UNC13B: variants seen among roughly 807,000 people sequenced by gnomAD.
The protein encoded by UNC13B is unc-13 homolog B, also known as protein unc-13 homolog B.
Under a neutral mutation model 211.0 loss-of-function variants are expected in UNC13B, and 144 were observed. The ratio of observed to expected loss-of-function variants is 0.68; its 90% CI spans 0.60 to 0.78. UNC13B has a LOEUF of 0.78. Among genes scored for constraint, UNC13B ranks in the 30% least tolerant of loss-of-function variants. The probability of loss-of-function intolerance (pLI) is 0.00; values close to 1 mark genes in which losing one functional copy is unlikely to be tolerated. For synonymous variants in UNC13B, 709 were observed against 725.8 expected (o/e 0.98, Z 0.37); for missense variants, 1,777 against 2,002.0 (o/e 0.89, Z 2.14).
intron 11 of UNC13B, among the ~76,000 whole-genome samples, chr9:35,346,019 C>A (rs1484066349): frequency 6.6e-6 from 1 of 152,156 alleles, no homozygotes; most frequent in Non-Finnish European, 1.5e-5. Context: ...AATACTGGGA[C>A]CTTGCTAAGC....
At chr9:35,262,119 T>G (rs1827309170) in intron 7 of UNC13B, among the ~76,000 whole-genome samples, 1 of 152,178 alleles carries the variant, frequency 6.6e-6, no homozygotes, top group Non-Finnish European at 1.5e-5. Context: ...TATACTTTCA[T>G]AGCCTTCCCC....
At chr9:35,203,833 C>T (rs922582370) in intron 1 of UNC13B, among the ~76,000 whole-genome samples, 2 of 152,222 alleles carry the variant, frequency 1.3e-5, no homozygotes, top group African/African-American at 4.8e-5. Flanking sequence ...AGAAAAACCC[C>T]ATTTTCAGTG....
intron 1 of UNC13B, among the ~76,000 whole-genome samples, chr9:35,226,045 G>T (rs1287857322): frequency 6.6e-6 from 1 of 152,102 alleles, no homozygotes; most frequent in Non-Finnish European, 1.5e-5. Context: ...GGATAGGCTA[G>T]GTTTTGCTCT....
intron 28 of UNC13B, 29 bp from the exon 29 acceptor site, chr9:35,397,138 A>T (rs368038238): frequency 6.2e-7 from 1 of 1,611,680 alleles, no homozygotes; most frequent in African/African-American, 1.3e-5. Context: ...GCAGCTGTGG[A>T]TGGTGACCCT....
intron 7 of UNC13B, chr9:35,291,237 G>A: frequency 2.3e-6 from 2 of 873,590 alleles, no homozygotes; most frequent in Non-Finnish European, 3.5e-6. Flanking sequence ...AATATCGGGA[G>A]ACAATGACCT....
Position 35,295,825 on chromosome 9 carries a change from C to T in UNC13B, c.656C>T (p.Pro219Leu), listed in dbSNP as rs750722239. 2.2e-5 allele frequency: 36 copies of T among 1,614,002 alleles called. No individual in the cohort carries two copies. The highest frequency in any genetic ancestry group is 2.8e-5 in the Non-Finnish European group (33 of 1,180,036). The change falls in exon 8 of 40, where the codon CCG becomes CTG. Residue 219 changes from proline (P) to leucine (L), a missense_variant. Transcript: ENST00000635942. ...PNASVHQFPV[P>L]VRSPQQLLLQ... ...GCTTCTGTGCACCAGTTCCCTGTGCCGGTGCGATCGCCACAGCAGCTGCTA... is the reference window on the plus strand; with the variant it reads ...GCTTCTGTGCACCAGTTCCCTGTGCTGGTGCGATCGCCACAGCAGCTGCTA...
intron 11 of UNC13B, among the ~76,000 whole-genome samples, chr9:35,332,361 A>G (rs542263515): frequency 1.3e-5 from 2 of 152,068 alleles, no homozygotes. Flanking sequence ...TAATTTCCCA[A>G]TGTTTAAAAC....
Position 35,382,485 on chromosome 9 carries a change from G to C in UNC13B, c.10784G>C (p.Arg3595Pro), listed in dbSNP as rs745913691. Residue 3595 changes from arginine (R) to proline (P), a missense_variant, in exon 21 of 40, where the codon CGC (arginine) becomes CCC (proline). Arg to Pro is a moderately radical substitution (Grantham distance 103). Transcript: ENST00000635942. ...TCTACCAATGTCTCTGCATCTGATC[G>C]CTTTGCAGCCTCCAACTTTGGGGTA... ...TASTNVSASDRFAASNFGKER... is the reference protein window; with the variant it reads ...TASTNVSASDPFAASNFGKER... 17 of 1,613,166 alleles carry C rather than the reference G, an allele frequency of 1.1e-5. No individual in the cohort carries two copies. Among genetic ancestry groups the C allele is most frequent in the Non-Finnish European group, 1.4e-5 (17 of 1,179,860 alleles).
chr9:35,337,381 G>T (rs527944100), intron 11 of UNC13B, among the ~76,000 whole-genome samples: 35 of 152,134 alleles, frequency 2.3e-4, no homozygotes, highest in Non-Finnish European at 4.9e-4. Context: ...TCTCTCACTG[G>T]GTAAAGAATT....
At chr9:35,283,767 G>A (rs1828637117) in intron 7 of UNC13B, among the ~76,000 whole-genome samples, 1 of 152,212 alleles carries the variant, frequency 6.6e-6, no homozygotes, top group Admixed American at 6.5e-5. Flanking sequence ...TTGGCCACAT[G>A]AGAAGGTGAC....
chr9:35,314,509 T>C (rs145082706), intron 11 of UNC13B, among the ~76,000 whole-genome samples: 25 of 152,322 alleles, frequency 1.6e-4, no homozygotes, highest in Non-Finnish European at 2.6e-4. Context: ...TGTCTTTATC[T>C]GTGTGTTAGG....
intron 6 of UNC13B, among the ~76,000 whole-genome samples, chr9:35,251,378 G>A (rs1587469126): frequency 1.3e-5 from 2 of 152,264 alleles, no homozygotes; most frequent in Admixed American, 6.5e-5. Context: ...CTTGAGGTCA[G>A]GATTTCAAGA....
intron 21 of UNC13B, 132 bp from the exon 22 acceptor site, chr9:35,384,114 A>C (rs1835027663): frequency 7.2e-7 from 1 of 1,381,652 alleles, no homozygotes. Context: ...TCCCATGGGC[A>C]GGGATGTGTC....
chr9:35,291,373 A>G (rs1044093110), intron 7 of UNC13B, among the ~76,000 whole-genome samples: 1 of 152,204 alleles, frequency 6.6e-6, no homozygotes, highest in African/African-American at 2.4e-5. Flanking sequence ...TTTATTCCCC[A>G]GAGGCAAGTA....
At chr9:35,379,212 C>T (rs1834652915) in intron 17 of UNC13B, among the ~76,000 whole-genome samples, 1 of 152,142 alleles carries the variant, frequency 6.6e-6, no homozygotes, top group Non-Finnish European at 1.5e-5. Flanking sequence ...CTTTGGGAGG[C>T]TGAGGCAGGC....
At chr9:35,275,411 T>G (rs1317086350) in intron 7 of UNC13B, among the ~76,000 whole-genome samples, 1 of 152,080 alleles carries the variant, frequency 6.6e-6, no homozygotes, top group Non-Finnish European at 1.5e-5. Flanking sequence ...TTAAAGGGAG[T>G]ATAGTAAAAA....
chr9:35,310,346 C>T, intron 9 of UNC13B, 121 bp from the exon 10 acceptor site: 5 of 1,103,794 alleles, frequency 4.5e-6, no homozygotes, highest in Non-Finnish European at 6.4e-6. Flanking sequence ...CCTCTCTTCC[C>T]AGGAACCTCC....
chr9:35,258,864 T>G, intron 6 of UNC13B, 129 bp from the exon 7 acceptor site: 1 of 779,880 alleles, frequency 1.3e-6, no homozygotes, highest in Admixed American at 2.7e-5. Flanking sequence ...CAGGATGTTC[T>G]GTTTCTGTTC....
chr9:35,276,536 G>T (rs150538337), intron 7 of UNC13B, among the ~76,000 whole-genome samples: 1 of 152,020 alleles, frequency 6.6e-6, no homozygotes, highest in Non-Finnish European at 1.5e-5. Context: ...TTTTGAATTC[G>T]TTGTGGTCAC....
Sources: gnomAD v4.1 joint callset for allele counts (sites outside exome capture counted in the v4.1 genomes callset) on GRCh38, gnomAD v4.1.1 for gene constraint, MANE v1.5 for transcripts, NCBI Gene and HGNC (gene_info 2026-07-23, HGNC 2026-07-21) for gene names.